Variants in TTC4 observed in about 807,000 individuals in gnomAD.
TTC4 encodes hsp70/Hsp90 co-chaperone CNS1 homolog.
TTC4 carries 36 observed loss-of-function variants against 51.9 expected under a neutral mutation model. The observed-to-expected ratio is 0.69, with a 90% confidence interval of 0.53 to 0.92. The LOEUF (loss-of-function observed/expected upper bound fraction) is 0.92. TTC4 is among the 40% of genes least tolerant of loss of function. TTC4 has a pLI of 0.00. For missense variants in TTC4, 399 were observed against 454.6 expected (o/e 0.88, Z 1.11); for synonymous variants, 144 against 164.2 (o/e 0.88, Z 0.94).
chr1:54,734,264 G>A (rs1355690896), intron 8 of TTC4, among the ~76,000 whole-genome samples: 2 of 152,118 alleles, frequency 1.3e-5, no homozygotes, highest in African/African-American at 4.8e-5. Flanking sequence ...TAGAGATGGG[G>A]TTTCACCATG....
At chr1:54,735,310 C>T (rs57400311) in intron 8 of TTC4, among the ~76,000 whole-genome samples, 18,043 of 150,770 alleles carry the variant, frequency 0.12, 1,786 homozygotes, top group African/African-American at 0.27. Context: ...CCTCTGCCTC[C>T]AAGGTCCAAG....
At chr1:54,722,186 C>G (rs1570037815) in intron 4 of TTC4, among the ~76,000 whole-genome samples, 1 of 147,124 alleles carries the variant, frequency 6.8e-6, no homozygotes, top group African/African-American at 2.5e-5. Flanking sequence ...CCATAAAGAA[C>G]AAAATTAGGA....
chr1:54,726,569 GA>G (rs1346744658), intron 5 of TTC4, among the ~76,000 whole-genome samples: 1 of 152,062 alleles, frequency 6.6e-6, no homozygotes, highest in African/African-American at 2.4e-5. Context: ...ATGAACTTAA[GA>G]AAACAATTCC....
chr1:54,738,156 C>G (rs112348499), intron 9 of TTC4, among the ~76,000 whole-genome samples: 408 of 152,314 alleles, frequency 2.7e-3, no homozygotes, highest in Non-Finnish European at 4.4e-3. Context: ...CTGCCTTGGC[C>G]TCCCAAAGTG....
chr1:54,730,280 CT>C (rs746084756), intron 6 of TTC4, among the ~76,000 whole-genome samples: 10,336 of 133,098 alleles, frequency 0.078, 395 homozygotes, highest in African/African-American at 0.15. Context: ...TGCATAAATC[CT>C]TTTTTTTTTT....
chr1:54,731,718 AG>A lies in TTC4; in HGVS notation c.896+19del, dbSNP rs1307317240. ...GACTCCAGGTACTGACTTGCCCAGGAGCCCTCTGCTTTTGCTTGCATGCTGT... is the reference window on the plus strand; with the variant it reads ...GACTCCAGGTACTGACTTGCCCAGGACCCTCTGCTTTTGCTTGCATGCTGT... On this transcript the variant is annotated intron_variant, in intron 7 of 9. Coordinates refer to ENST00000371281, the MANE Select transcript of TTC4 (RefSeq NM_004623.5). 13 of 1,608,206 alleles carry A rather than the reference AG, an allele frequency of 8.1e-6. No homozygotes were observed. Among genetic ancestry groups the A allele is most frequent in the Non-Finnish European group, 1.0e-5 (12 of 1,176,372 alleles).
At chr1:54,718,536 C>T (rs1147989) in intron 3 of TTC4, among the ~76,000 whole-genome samples, 66,911 of 151,710 alleles carry the variant, frequency 0.44, 15,722 homozygotes, top group East Asian at 0.83. Flanking sequence ...TGTGAGCCAC[C>T]GCACCCAGGA....
At chr1:54,732,964 G>A (rs1435867771) in intron 7 of TTC4, among the ~76,000 whole-genome samples, 1 of 151,914 alleles carries the variant, frequency 6.6e-6, no homozygotes, top group Non-Finnish European at 1.5e-5. Context: ...GTGCATGCCT[G>A]TAGTCCCAGC....
intron 5 of TTC4, among the ~76,000 whole-genome samples, chr1:54,725,678 A>G (rs1645791370): frequency 6.6e-6 from 1 of 152,236 alleles, no homozygotes; most frequent in Admixed American, 6.5e-5. Context: ...TAAACCAGCT[A>G]ATTTAAATAT....
chr1:54,729,926 G>C (rs1645844854), intron 6 of TTC4, among the ~76,000 whole-genome samples: 2 of 152,196 alleles, frequency 1.3e-5, no homozygotes, highest in South Asian at 4.2e-4. Context: ...TCACCATATT[G>C]GTCAGGCTGG....
At chr1:54,736,822 C>G (rs1645950376) in intron 8 of TTC4, 1 of 152,788 alleles carries the variant, frequency 6.5e-6, no homozygotes, top group Non-Finnish European at 1.5e-5. Context: ...TCTTTCTCAC[C>G]CCGCACAGAC....
chr1:54,733,762 T>C, intron 8 of TTC4, 52 bp downstream of exon 8: 2 of 1,264,686 alleles, frequency 1.6e-6, no homozygotes, highest in Non-Finnish European at 2.2e-6. Flanking sequence ...TTTTTTTTTT[T>C]TTTTTTTTTT....
chr1:54,718,028 A>G lies in TTC4; in HGVS notation c.391+375A>G, dbSNP rs925859231. ...AAGGCAGTAGAGATCTTTAGGTGAGATAAGCTATTTTAATCTAAGGGAGAA... is the reference window on the plus strand; with the variant it reads ...AAGGCAGTAGAGATCTTTAGGTGAGGTAAGCTATTTTAATCTAAGGGAGAA... On this transcript the variant is annotated intron_variant, in intron 3 of 9. Transcript: ENST00000371281. 2.0e-5 allele frequency among the ~76,000 whole-genome samples: 3 copies of G among 152,192 alleles called. No homozygotes were observed. The South Asian group carries it at 6.2e-4, about 31-fold the overall frequency.
chr1:54,737,530 A>T, intron 8 of TTC4, 52 bp from the exon 9 acceptor site: 1 of 1,560,884 alleles, frequency 6.4e-7, no homozygotes, highest in Non-Finnish European at 8.8e-7. Context: ...AGCCTCAACT[A>T]AGGCTGCCGA....
chr1:54,718,287 C>T (rs77313422), intron 3 of TTC4, among the ~76,000 whole-genome samples: 3,913 of 152,210 alleles, frequency 0.026, 154 homozygotes, highest in East Asian at 0.14. Flanking sequence ...GCACGAGGAT[C>T]GCTCAAGGCT....
intron 9 of TTC4, 63 bp downstream of exon 9, chr1:54,737,727 C>A: frequency 2.7e-6 from 4 of 1,500,692 alleles, no homozygotes; most frequent in Non-Finnish European, 2.7e-6. Flanking sequence ...TCCATTTTCA[C>A]ACTGCTGATA....
At chr1:54,732,328 AAAAAAAAT>A (rs1270822607) in intron 7 of TTC4, among the ~76,000 whole-genome samples, 1 of 145,516 alleles carries the variant, frequency 6.9e-6, no homozygotes, top group African/African-American at 2.5e-5. Flanking sequence ...CTCAAAAAAA[AAAAAAAAT>A]AAAAAAGAGA....
At chr1:54,717,129 C>G (rs1288579581) in intron 2 of TTC4, among the ~76,000 whole-genome samples, 2 of 152,158 alleles carry the variant, frequency 1.3e-5, no homozygotes, top group Non-Finnish European at 2.9e-5. Context: ...TTGCACTCCA[C>G]AGAATAAACA....
At chr1:54,739,768 G>A (rs1645989549) in intron 9 of TTC4, among the ~76,000 whole-genome samples, 1 of 152,240 alleles carries the variant, frequency 6.6e-6, no homozygotes, top group Non-Finnish European at 1.5e-5. Context: ...GGTAGGAAAT[G>A]AGGCTAGAAA....
Sources: allele counts gnomAD v4.1 joint callset (sites outside exome capture counted in the v4.1 genomes callset), GRCh38; gene constraint gnomAD v4.1.1; transcripts MANE v1.5; gene names NCBI Gene and HGNC (gene_info 2026-07-23, HGNC 2026-07-21).